BTBD9: variants seen among roughly 807,000 people sequenced by gnomAD.
BTBD9 encodes BTB domain containing 9, also known as BTB/POZ domain-containing protein 9.
In BTBD9, 49 loss-of-function variants were observed where a neutral mutation model predicts 64.3. The ratio of observed to expected loss-of-function variants is 0.76; its 90% CI spans 0.61 to 0.97. BTBD9 has a LOEUF of 0.97. BTBD9 is among the 50% of genes least tolerant of loss of function. The pLI is 0.00. For missense variants in BTBD9, 598 were observed against 762.1 expected, an observed-to-expected ratio of 0.78 and a Z score of 2.53; for synonymous variants, 260 against 274.7, an observed-to-expected ratio of 0.95 and a Z score of 0.53.
intron 6 of BTBD9, among the ~76,000 whole-genome samples, chr6:38,521,656 C>CT (rs1773276028): frequency 1.3e-5 from 2 of 151,982 alleles, no homozygotes; most frequent in African/African-American, 4.8e-5. Context: ...ACTATGAATT[C>CT]ACTCATTTCT....
At chr6:38,452,273 A>G (rs1445164760) in intron 6 of BTBD9, among the ~76,000 whole-genome samples, 1 of 152,126 alleles carries the variant, frequency 6.6e-6, no homozygotes, top group African/African-American at 2.4e-5. Flanking sequence ...GTACACCACT[A>G]CTAAGGGATT....
intron 6 of BTBD9, among the ~76,000 whole-genome samples, chr6:38,471,398 T>C (rs1226055813): frequency 6.6e-6 from 1 of 152,152 alleles, no homozygotes; most frequent in African/African-American, 2.4e-5. Context: ...TCCGACCCAC[T>C]AGGACCTCAA....
chr6:38,462,852 G>A (rs1418765695), intron 6 of BTBD9, among the ~76,000 whole-genome samples: 1 of 152,138 alleles, frequency 6.6e-6, no homozygotes, highest in African/African-American at 2.4e-5. Context: ...AGGCTGGAGT[G>A]CAGTGGCGCC....
chr6:38,441,582 A>C (rs74497200), intron 6 of BTBD9, among the ~76,000 whole-genome samples: 9,465 of 151,862 alleles, frequency 0.062, 566 homozygotes, highest in African/African-American at 0.14. Context: ...CTGGCTAGTT[A>C]AAAAAAATTT....
intron 8 of BTBD9, among the ~76,000 whole-genome samples, chr6:38,266,614 GAAAGAAAGAAAGAAAGAAAGAAA>G (rs1224422736): frequency 1.5e-3 from 15 of 9,854 alleles, no homozygotes; most frequent in Non-Finnish European, 2.1e-3. Flanking sequence ...AGGAAAGAAA[GAAAGAAAGAAAGAAAGAAAGAAA>G]GAAAGAAAGA....
chr6:38,391,734 C>G lies in BTBD9; in HGVS notation c.1155-46641G>C, dbSNP rs1409631812. On this transcript the variant is annotated intron_variant, in intron 6 of 10. Coordinates refer to ENST00000481247, the MANE Select transcript of BTBD9 (RefSeq NM_001099272.2). ...ACAATGTCTGATCCTAATAGGTCAG[C>G]ATTGATCACTCTAAACCAATTGGTT... is the stretch of plus-strand genomic sequence containing the variant. Among the ~76,000 whole-genome samples the G allele has an allele frequency of 2.0e-5, 3 of 151,852 alleles. No homozygotes were observed. In the East Asian group the frequency reaches 5.8e-4, roughly 29 times the overall value.
intron 9 of BTBD9, among the ~76,000 whole-genome samples, chr6:38,232,795 G>A (rs1763656340): frequency 6.6e-6 from 1 of 151,842 alleles, no homozygotes; most frequent in Non-Finnish European, 1.5e-5. Context: ...CACTGCGCCT[G>A]GCTGAGGCCT....
intron 6 of BTBD9, among the ~76,000 whole-genome samples, chr6:38,537,416 A>C (rs1435386958): frequency 6.6e-6 from 1 of 152,228 alleles, no homozygotes; most frequent in African/African-American, 2.4e-5. Context: ...TGATGGACGT[A>C]TTTTTGTGGA....
intron 6 of BTBD9, among the ~76,000 whole-genome samples, chr6:38,458,573 C>T (rs1056448049): frequency 3.9e-5 from 6 of 152,146 alleles, no homozygotes; most frequent in South Asian, 2.1e-4. Flanking sequence ...AATGTAACAT[C>T]ATAACTCAGC....
rs1582329957 is a variant in BTBD9, at chr6:38,380,677, G to A, written c.1155-35584C>T. On this transcript the variant is annotated intron_variant, in intron 6 of 10. Coordinates refer to ENST00000481247, the MANE Select transcript of BTBD9 (RefSeq NM_001099272.2). ...AGACCCTGTCTCTAAAAAGGAAAAG[G>A]AAAGAGTTTTTTTAAAATACAGCTG... Among the ~76,000 whole-genome samples the A allele has an allele frequency of 6.6e-5, 10 of 152,220 alleles. No homozygotes were observed. In the South Asian group the frequency reaches 2.1e-3, roughly 32 times the overall value.
intron 6 of BTBD9, among the ~76,000 whole-genome samples, chr6:38,565,750 A>G (rs1255601537): frequency 6.6e-6 from 1 of 152,228 alleles, no homozygotes; most frequent in African/African-American, 2.4e-5. Flanking sequence ...GCATTTAGTA[A>G]AATGTTTCAC....
chr6:38,416,792 C>T (rs1767687390), intron 6 of BTBD9, among the ~76,000 whole-genome samples: 1 of 152,144 alleles, frequency 6.6e-6, no homozygotes, highest in African/African-American at 2.4e-5. Context: ...CAGCCCTTGT[C>T]CTCCTCTCCA....
chr6:38,273,214 T>C (rs904237260), intron 8 of BTBD9, among the ~76,000 whole-genome samples: 5 of 152,236 alleles, frequency 3.3e-5, no homozygotes, highest in African/African-American at 1.2e-4. Flanking sequence ...CTTACCACTA[T>C]AATGTAAGGA....
At chr6:38,196,234 G>A (rs184076024) in intron 9 of BTBD9, among the ~76,000 whole-genome samples, 2 of 152,302 alleles carry the variant, frequency 1.3e-5, no homozygotes, top group Non-Finnish European at 2.9e-5. Flanking sequence ...AGGACCTTAA[G>A]CAAGTTGCTT....
At chr6:38,627,973 C>T (rs1161207676) in intron 1 of BTBD9, among the ~76,000 whole-genome samples, 4 of 152,116 alleles carry the variant, frequency 2.6e-5, no homozygotes, top group Admixed American at 6.5e-5. Flanking sequence ...TGAAGCTCTG[C>T]CTATCATATG....
At chr6:38,617,410 C>A (rs557366999) in intron 1 of BTBD9, among the ~76,000 whole-genome samples, 10 of 152,270 alleles carry the variant, frequency 6.6e-5, no homozygotes, top group African/African-American at 2.4e-4. Context: ...CAAGGCTAGT[C>A]CTGCTTCTCA....
intron 9 of BTBD9, among the ~76,000 whole-genome samples, chr6:38,221,917 G>A (rs902701305): frequency 6.6e-6 from 1 of 152,142 alleles, no homozygotes; most frequent in Non-Finnish European, 1.5e-5. Flanking sequence ...CTTGAACCTG[G>A]GAGGCGGAGG....
At chr6:38,394,285 A>C (rs1314492521) in intron 6 of BTBD9, among the ~76,000 whole-genome samples, 1 of 152,168 alleles carries the variant, frequency 6.6e-6, no homozygotes, top group Non-Finnish European at 1.5e-5. Context: ...ATAAGTAGGC[A>C]ATTGGTGCTG....
Position 38,586,675 on chromosome 6 carries a change from C to T in BTBD9, c.814+5901G>A, listed in dbSNP as rs573292370. Among the ~76,000 whole-genome samples, 8 of 152,324 alleles carry T rather than the reference C, an allele frequency of 5.3e-5. No individual in the cohort carries two copies. In the South Asian group the frequency reaches 8.3e-4, roughly 16 times the overall value. On this transcript the variant is annotated intron_variant, in intron 4 of 10. Transcript: ENST00000481247. The stretch of plus-strand genomic sequence containing the variant: ...AATAAACAGACCTATCTTTTCAAGT[C>T]GTCAGCCCAGGAACACTTCTGAAAT...
Sources: allele counts gnomAD v4.1 joint callset (sites outside exome capture counted in the v4.1 genomes callset), GRCh38; gene constraint gnomAD v4.1.1; transcripts MANE v1.5; gene names NCBI Gene and HGNC (gene_info 2026-07-23, HGNC 2026-07-21).